The following UGGT1 variants were observed in gnomAD, a reference collection of about 807,000 sequenced individuals.
UGGT1 encodes UDP-glucose:glycoprotein glucosyltransferase 1.
UGGT1 carries 107 observed loss-of-function variants against 203.9 expected under a neutral mutation model. The observed-to-expected ratio is 0.52, with a 90% CI of 0.45 to 0.62. The LOEUF is 0.62. Ranked by LOEUF, UGGT1 falls within the 20% of genes least tolerant of loss-of-function variation. The pLI, the probability that UGGT1 is intolerant of heterozygous loss-of-function variation, is 0.00. For missense variants in UGGT1, 1,673 were observed against 1,867.2 expected (o/e 0.90, Z 1.92); for synonymous variants, 628 against 653.5 (o/e 0.96, Z 0.59).
chr2:128,107,787 G>A (rs752972367), intron 3 of UGGT1, 151 bp from the exon 4 acceptor site: 2 of 1,058,922 alleles, frequency 1.9e-6, no homozygotes, highest in African/African-American at 1.6e-5. Context: ...ACTCCAGGGA[G>A]TTTTAAGCAT....
chr2:128,113,967 C>T (rs1239045597), intron 6 of UGGT1, among the ~76,000 whole-genome samples: 1 of 2,228 alleles, frequency 4.5e-4, no homozygotes, highest in African/African-American at 5.3e-4. Context: ...GGCGACAGAG[C>T]GAGACTCCGT....
At chr2:128,168,854 C>G (rs1690931497) in intron 26 of UGGT1, among the ~76,000 whole-genome samples, 1 of 151,874 alleles carries the variant, frequency 6.6e-6, no homozygotes, top group African/African-American at 2.4e-5. Context: ...CAAGACCAGC[C>G]TGGCCAACAT....
chr2:128,152,972 A>G (rs927040176), intron 19 of UGGT1, 68 bp downstream of exon 19: 2 of 1,595,444 alleles, frequency 1.3e-6, no homozygotes, highest in Non-Finnish European at 1.7e-6. Context: ...TACATTTTTC[A>G]GATTTTAATA....
chr2:128,111,579 C>A (rs1296355412), intron 5 of UGGT1, among the ~76,000 whole-genome samples: 1 of 151,902 alleles, frequency 6.6e-6, no homozygotes, highest in Non-Finnish European at 1.5e-5. Flanking sequence ...CATCTTGGCT[C>A]ACTGCAAGCT....
At chr2:128,160,394 T>G in intron 23 of UGGT1, 66 bp from the exon 24 acceptor site, 1 of 1,470,062 alleles carries the variant, frequency 6.8e-7, no homozygotes, top group Non-Finnish European at 9.1e-7. Context: ...TTATTCACTG[T>G]GTTTATTTGT....
intron 17 of UGGT1, 39 bp downstream of exon 17, chr2:128,143,264 T>G: frequency 6.2e-7 from 1 of 1,607,954 alleles, no homozygotes. Context: ...GATTGCAACA[T>G]TGTACTGTCC....
At chr2:128,104,450 A>T (rs1687513430) in intron 3 of UGGT1, among the ~76,000 whole-genome samples, 1 of 152,222 alleles carries the variant, frequency 6.6e-6, no homozygotes, top group Non-Finnish European at 1.5e-5. Flanking sequence ...AGCCACCCAC[A>T]ACTTGAGTGT....
At chr2:128,159,325 T>A (rs541745658) in intron 22 of UGGT1, among the ~76,000 whole-genome samples, 189 bp from the exon 23 acceptor site, 2 of 152,076 alleles carry the variant, frequency 1.3e-5, no homozygotes, top group South Asian at 4.2e-4. Flanking sequence ...GGTCTCGAAC[T>A]CCTGATCTCG....
In UGGT1 at chr2:128,161,252, C is replaced by T. The variant is rs750253179; in HGVS notation, c.2809C>T (p.Arg937Trp). The T allele has an allele frequency of 1.2e-5, 19 of 1,613,462 alleles. No homozygotes were observed. Among genetic ancestry groups the T allele is most frequent in the Middle Eastern group, 1.6e-4 (1 of 6,064 alleles). Residue 937 changes from arginine to tryptophan, a missense_variant, in exon 25 of 41, where the codon CGG (arginine) becomes TGG (tryptophan). Around this residue, in one of 4 missense-constraint regions of UGGT1, gnomAD observed 1,073 missense variants for 1,078.7 expected, o/e 0.99. Transcript: ENST00000259253. Reference protein sequence around the residue: ...QKIKSHIQQLRVEEDVASDLV... With the variant: ...QKIKSHIQQLWVEEDVASDLV... The stretch of plus-strand genomic sequence containing the variant: ...AATAAAATCTCATATTCAACAGCTT[C>T]GGGTAGAAGAAGATGTGTAAGTTTT...
At chr2:128,140,764 A>G (rs1379641271) in intron 16 of UGGT1, among the ~76,000 whole-genome samples, 1 of 151,776 alleles carries the variant, frequency 6.6e-6, no homozygotes, top group African/African-American at 2.4e-5. Flanking sequence ...ACAGCCTTGA[A>G]CTCCTGGCCC....
intron 2 of UGGT1, chr2:128,103,034 A>G (rs1448560628): frequency 2.1e-6 from 1 of 470,560 alleles, no homozygotes; most frequent in South Asian, 1.6e-5. Flanking sequence ...GAAGCTGTGC[A>G]TTACCAGGAA....
chr2:128,123,929 A>G (rs1472452258), intron 11 of UGGT1, among the ~76,000 whole-genome samples: 2 of 152,084 alleles, frequency 1.3e-5, no homozygotes, highest in Non-Finnish European at 2.9e-5. Context: ...AAATTCTGAG[A>G]AATCAACTTT....
chr2:128,127,189 C>T (rs1331889106), intron 11 of UGGT1, among the ~76,000 whole-genome samples, 172 bp from the exon 12 acceptor site: 1 of 152,090 alleles, frequency 6.6e-6, no homozygotes, highest in Non-Finnish European at 1.5e-5. Flanking sequence ...TGTGTATACA[C>T]TGTGGTATTA....
chr2:128,124,003 TG>T, intron 11 of UGGT1, among the ~76,000 whole-genome samples: 2 of 152,284 alleles, frequency 1.3e-5, no homozygotes, highest in Middle Eastern at 3.4e-3. Context: ...TGGAGTGCAG[TG>T]GCGTGATCTC....
At chr2:128,142,445 C>T (rs1005637733) in intron 16 of UGGT1, among the ~76,000 whole-genome samples, 1 of 150,558 alleles carries the variant, frequency 6.6e-6, no homozygotes, top group African/African-American at 2.4e-5. Flanking sequence ...ATTAGCTGGG[C>T]GTGGAGGCGT....
chr2:128,118,628 G>T (rs1192353792), intron 8 of UGGT1, among the ~76,000 whole-genome samples: 1 of 152,136 alleles, frequency 6.6e-6, no homozygotes, highest in Non-Finnish European at 1.5e-5. Context: ...ATGATTTTAT[G>T]CATTCACAGC....
Position 128,164,805 on chromosome 2 carries a change from G to A in UGGT1, c.2901G>A (p.Gln967=), listed in dbSNP as rs1429888360. The change falls in exon 26 of 41, where the codon CAG becomes CAA. Residue 967 remains glutamine (Q), a synonymous_variant. Coordinates refer to ENST00000259253, the MANE Select transcript of UGGT1 (RefSeq NM_020120.4). ...AAGGAGATCCAAGAATCGAGTACCA[G>A]TTTTTTGAAGACAGACACAGGTATA... ...QPKGDPRIEY[Q]FFEDRHSAIK... 3 of 1,606,776 alleles carry A rather than the reference G, an allele frequency of 1.9e-6. No individual in the cohort carries two copies. Among genetic ancestry groups the A allele is most frequent in the South Asian group, 2.2e-5 (2 of 89,692 alleles).
intron 18 of UGGT1, among the ~76,000 whole-genome samples, chr2:128,147,153 A>G (rs1689731780): frequency 6.6e-6 from 1 of 152,200 alleles, no homozygotes; most frequent in South Asian, 2.1e-4. Context: ...TTCTGGAAAT[A>G]TGCACATGGT....
chr2:128,120,332 G>C, intron 8 of UGGT1, 24 bp from the exon 9 acceptor site: 1 of 1,594,536 alleles, frequency 6.3e-7, no homozygotes, highest in South Asian at 1.1e-5. Flanking sequence ...TAATGAAAAG[G>C]ACTGATTTTT....
Sources: allele counts gnomAD v4.1 joint callset (sites outside exome capture counted in the v4.1 genomes callset), GRCh38; gene constraint gnomAD v4.1.1; regional missense constraint gnomAD v4.1.1; transcripts MANE v1.5; gene names NCBI Gene and HGNC (gene_info 2026-07-23, HGNC 2026-07-21).